The following CPED1 variants were observed in gnomAD, a reference collection of about 807,000 sequenced individuals.
The protein encoded by CPED1 is cadherin like and PC-esterase domain containing 1, also known as cadherin-like and PC-esterase domain-containing protein 1.
In CPED1, 114 loss-of-function variants were observed where a neutral mutation model predicts 128.2. The observed-to-expected ratio is 0.89, with a 90% CI of 0.76 to 1.04. CPED1 has a LOEUF of 1.04. Ranked by LOEUF, CPED1 falls within the 50% of genes least tolerant of loss-of-function variation. The probability of loss-of-function intolerance (pLI) is 0.00; values close to 1 mark genes in which losing one functional copy is unlikely to be tolerated. For synonymous variants in CPED1, 462 were observed against 426.7 expected (o/e 1.08, Z -1.02); for missense variants, 1,211 against 1,207.1 (o/e 1.00, Z -0.05).
rs1792224011 is a variant in CPED1, at chr7:121,271,301, A to G, written c.2739A>G (p.Leu913=). 3.7e-6 allele frequency: 6 copies of G among 1,611,760 alleles called. No homozygotes were observed. The highest frequency in any genetic ancestry group is 5.1e-6 in the Non-Finnish European group (6 of 1,178,560). The part of the protein sequence containing the change: ...HFLTQSEVQN[L]WKENLIILDT... Reference sequence around the variant, plus strand: ...CCAATCAGAGTGAAGTACAGAACTTATGGAAAGAAAATTTGATTATTCTGG... The same window carrying G: ...CCAATCAGAGTGAAGTACAGAACTTGTGGAAAGAAAATTTGATTATTCTGG... The change falls in exon 22 of 23, where the codon TTA becomes TTG. Residue 913 remains leucine, a synonymous_variant. Coordinates refer to ENST00000310396, the MANE Select transcript of CPED1 (RefSeq NM_024913.5).
At chr7:121,010,847 C>T (rs922775009) in intron 2 of CPED1, among the ~76,000 whole-genome samples, 5 of 152,158 alleles carry the variant, frequency 3.3e-5, no homozygotes, top group African/African-American at 1.2e-4. Context: ...TATCCAGAAA[C>T]CTGTGGTCCC....
intron 16 of CPED1, among the ~76,000 whole-genome samples, chr7:121,198,192 C>A (rs991757513): frequency 6.6e-6 from 1 of 152,010 alleles, no homozygotes; most frequent in African/African-American, 2.4e-5. Flanking sequence ...TCACTCAGTA[C>A]CTTATACCTT....
chr7:121,108,098 T>A (rs1294208178), intron 7 of CPED1, among the ~76,000 whole-genome samples: 3 of 152,134 alleles, frequency 2.0e-5, no homozygotes, highest in Non-Finnish European at 4.4e-5. Flanking sequence ...AAACAATTAC[T>A]GTATTGCCCC....
intron 17 of CPED1, 44 bp from the exon 18 acceptor site, chr7:121,244,158 A>C: frequency 1.2e-6 from 2 of 1,613,588 alleles, no homozygotes; most frequent in South Asian, 1.1e-5. Context: ...TACAAACTTC[A>C]CCAGCAGAAA....
intron 18 of CPED1, among the ~76,000 whole-genome samples, chr7:121,257,378 T>A (rs1791910757): frequency 6.6e-6 from 1 of 152,116 alleles, no homozygotes; most frequent in Admixed American, 6.6e-5. Context: ...TTTTAAATAT[T>A]TCTGTATGAT....
intron 4 of CPED1, among the ~76,000 whole-genome samples, chr7:121,061,913 A>G (rs2116041478): frequency 6.6e-6 from 1 of 152,262 alleles, no homozygotes; most frequent in African/African-American, 2.4e-5. Context: ...TATTTTACTC[A>G]GTTTAACTGC....
chr7:121,212,908 A>G (rs1287496866), intron 16 of CPED1, among the ~76,000 whole-genome samples: 1 of 152,052 alleles, frequency 6.6e-6, no homozygotes, highest in Non-Finnish European at 1.5e-5. Context: ...CTGTTATCCA[A>G]AAGTGGAAAT....
At position 121,176,446 on chromosome 7, in the gene CPED1, GA is replaced by G. The variant is rs369213938; in HGVS notation, c.2055+34313del. Among the ~76,000 whole-genome samples, 11 of 150,048 alleles carry G rather than the reference GA, an allele frequency of 7.3e-5. No individual in the cohort carries two copies. In the East Asian group the frequency reaches 2.1e-3, roughly 29 times the overall value. Reference sequence around the variant, plus strand: ...TTTAAAATATCACCTTTGTAATACTGAAAAAAAACACAGTTGGAATATTACA... The same window carrying G: ...TTTAAAATATCACCTTTGTAATACTGAAAAAAACACAGTTGGAATATTACA... On this transcript the variant is annotated intron_variant, in intron 16 of 22. Transcript: ENST00000310396.
At chr7:121,266,093 T>G in intron 18 of CPED1, 134 bp from the exon 19 acceptor site, 1 of 662,426 alleles carries the variant, frequency 1.5e-6, no homozygotes, top group Non-Finnish European at 2.6e-6. Context: ...TGAATGTTAT[T>G]TCTAACAATT....
intron 5 of CPED1, among the ~76,000 whole-genome samples, chr7:121,089,062 A>G (rs139291956): frequency 6.6e-6 from 1 of 152,316 alleles, no homozygotes; most frequent in African/African-American, 2.4e-5. Flanking sequence ...CTTGTGTTAT[A>G]TGTCACTCAG....
chr7:121,112,506 G>A (rs930981411), intron 7 of CPED1, among the ~76,000 whole-genome samples: 16 of 152,016 alleles, frequency 1.1e-4, no homozygotes, highest in Admixed American at 2.6e-4. Context: ...AAGAGGCAAC[G>A]AATGAATTGT....
intron 3 of CPED1, among the ~76,000 whole-genome samples, chr7:121,019,615 T>C (rs1792386526): frequency 2.0e-5 from 3 of 152,064 alleles, no homozygotes; most frequent in Admixed American, 2.0e-4. Context: ...ACATTGCCTA[T>C]GATTTAACTG....
intron 22 of CPED1, among the ~76,000 whole-genome samples, chr7:121,293,996 C>G (rs1465312878): frequency 6.6e-6 from 1 of 152,078 alleles, no homozygotes; most frequent in African/African-American, 2.4e-5. Flanking sequence ...TATAAAGACA[C>G]CCAAAACATC....
intron 2 of CPED1, among the ~76,000 whole-genome samples, chr7:121,004,929 A>G (rs998025704): frequency 2.6e-5 from 4 of 152,230 alleles, no homozygotes; most frequent in African/African-American, 9.6e-5. Flanking sequence ...TGTTCACTGT[A>G]TGTATGACAT....
intron 16 of CPED1, among the ~76,000 whole-genome samples, chr7:121,153,011 T>C (rs1796193827): frequency 6.6e-6 from 1 of 152,164 alleles, no homozygotes. Flanking sequence ...AATTTAAGAA[T>C]TATTTAACAA....
chr7:121,273,982 A>G lies in CPED1; in HGVS notation c.2868+2552A>G, dbSNP rs571477348. Among the ~76,000 whole-genome samples the G allele has an allele frequency of 5.3e-5, 8 of 152,304 alleles. No homozygotes were observed. The East Asian group carries it at 1.5e-3, about 29-fold the overall frequency. On this transcript the variant is annotated intron_variant, in intron 22 of 22. Coordinates refer to ENST00000310396, the MANE Select transcript of CPED1 (RefSeq NM_024913.5). ...ACAGAAAACAGGGCTTTTGAAAGAC[A>G]ACATAGAGATTGGTTTTGTTCCTCT...
intron 22 of CPED1, among the ~76,000 whole-genome samples, chr7:121,276,344 T>C (rs1013055059): frequency 3.2e-4 from 48 of 152,114 alleles, no homozygotes; most frequent in African/African-American, 1.1e-3. Context: ...TACCAAATCC[T>C]GTTTACAAGC....
chr7:121,239,297 A>T (rs904152384), intron 17 of CPED1, among the ~76,000 whole-genome samples: 10 of 152,146 alleles, frequency 6.6e-5, no homozygotes, highest in Non-Finnish European at 1.0e-4. Context: ...ATCTCAATAT[A>T]CCATTTTCAA....
intron 22 of CPED1, among the ~76,000 whole-genome samples, chr7:121,287,632 T>C (rs1792612026): frequency 6.6e-6 from 1 of 152,190 alleles, no homozygotes; most frequent in African/African-American, 2.4e-5. Flanking sequence ...TCCTTTCAAA[T>C]GGTCTTAACT....
Sources: gnomAD v4.1 joint callset for allele counts (sites outside exome capture counted in the v4.1 genomes callset) on GRCh38, gnomAD v4.1.1 for gene constraint, MANE v1.5 for transcripts, NCBI Gene and HGNC (gene_info 2026-07-23, HGNC 2026-07-21) for gene names.